The following MAP2K2 variants were observed in gnomAD, a reference collection of about 807,000 sequenced individuals.
MAP2K2 encodes mitogen-activated protein kinase kinase 2, also known as dual specificity mitogen-activated protein kinase kinase 2.
In MAP2K2, 24 loss-of-function variants were observed where a neutral mutation model predicts 43.7. The ratio of observed to expected loss-of-function variants is 0.55; its 90% CI spans 0.40 to 0.77. The LOEUF (loss-of-function observed/expected upper bound fraction) is 0.77. Among genes scored for constraint, MAP2K2 ranks in the 30% least tolerant of loss-of-function variants. The probability of loss-of-function intolerance (pLI) is 0.00; values close to 1 mark genes in which losing one functional copy is unlikely to be tolerated. For synonymous variants in MAP2K2, 244 were observed against 239.7 expected, an observed-to-expected ratio of 1.02 and a Z score of -0.17; for missense variants, 470 against 566.8, an observed-to-expected ratio of 0.83 and a Z score of 1.73.
At chr19:4,098,221 G>A (rs939044653) in intron 7 of MAP2K2, among the ~76,000 whole-genome samples, 1 of 152,178 alleles carries the variant, frequency 6.6e-6, no homozygotes, top group Non-Finnish European at 1.5e-5. Flanking sequence ...CCACACAAGT[G>A]TGTGACCCCA....
In MAP2K2 at chr19:4,090,681, C is replaced by T; in HGVS notation, c.1120G>A (p.Val374Met). 6.4e-7 allele frequency: 1 copy of T among 1,559,016 alleles called. No individual in the cohort carries two copies. Among genetic ancestry groups the T allele is most frequent in the African/African-American group, 1.4e-5 (1 of 73,628 alleles). Reference sequence around the variant, plus strand: ...CAGCCGGCAAAATCCACTTCTTCCACCTCGGACCGCTTGATGAAGGTGTGG... The same window carrying T: ...CAGCCGGCAAAATCCACTTCTTCCATCTCGGACCGCTTGATGAAGGTGTGG... ...TNHTFIKRSE[V>M]EEVDFAGWLC... Residue 374 changes from valine to methionine, a missense_variant, in exon 11 of 11, where the codon GTG becomes ATG. Val to Met is a conservative substitution (Grantham distance 21, BLOSUM62 1). This residue lies in a region of MAP2K2 where 212 missense variants were observed against 220.8 expected (regional missense o/e 0.96). Coordinates refer to ENST00000262948, the MANE Select transcript of MAP2K2 (RefSeq NM_030662.4).
At chr19:4,117,939 C>A (rs2041246824) in intron 1 of MAP2K2, among the ~76,000 whole-genome samples, 1 of 151,972 alleles carries the variant, frequency 6.6e-6, no homozygotes, top group Non-Finnish European at 1.5e-5. Context: ...TTTTTCTTTT[C>A]TTTTTCTTTT....
intron 3 of MAP2K2, chr19:4,102,683 T>C (rs2041031481): frequency 5.4e-6 from 6 of 1,101,404 alleles, no homozygotes; most frequent in Non-Finnish European, 7.6e-6. Context: ...TTCCCCCGCC[T>C]CCCGTCCCAT....
intron 3 of MAP2K2, among the ~76,000 whole-genome samples, chr19:4,107,440 C>T (rs1428265660): frequency 7.1e-6 from 1 of 140,760 alleles, no homozygotes; most frequent in African/African-American, 2.6e-5. Context: ...GGGAGAATGG[C>T]GTGAACCTGG....
intron 1 of MAP2K2, 63 bp from the exon 2 acceptor site, chr19:4,117,692 T>A: frequency 6.6e-7 from 1 of 1,504,294 alleles, no homozygotes; most frequent in Non-Finnish European, 9.2e-7. Flanking sequence ...CCGTTTGCTA[T>A]GTGGCCGTGG....
chr19:4,109,316 G>A (rs1198598247), intron 3 of MAP2K2, among the ~76,000 whole-genome samples: 1 of 152,188 alleles, frequency 6.6e-6, no homozygotes, highest in Non-Finnish European at 1.5e-5. Flanking sequence ...AGTCAATGAA[G>A]GGGGTGCCTG....
chr19:4,106,882 C>T (rs937766646), intron 3 of MAP2K2, among the ~76,000 whole-genome samples: 1 of 152,220 alleles, frequency 6.6e-6, no homozygotes, highest in Admixed American at 6.5e-5. Flanking sequence ...TACAGTAGAA[C>T]AAGACGGGCA....
At chr19:4,122,863 A>C (rs2041318520) in intron 1 of MAP2K2, among the ~76,000 whole-genome samples, 1 of 149,112 alleles carries the variant, frequency 6.7e-6, no homozygotes. Context: ...GCCCTATCTC[A>C]TTATTGAGGG....
Position 4,101,371 on chromosome 19 carries a change from T to C in MAP2K2, c.529-91A>G. 7.1e-7 allele frequency: 1 copy of C among 1,400,026 alleles called. No individual in the cohort carries two copies. The highest frequency in any genetic ancestry group is 1.2e-5 in the South Asian group (1 of 81,092). 86.7% of individuals were successfully genotyped at this position (1,400,026 alleles called of 1,614,324 possible). A position where few individuals can be genotyped will look rare whatever the true frequency, so the allele number is the denominator to read the frequency against. ...GGGGTCAGAGCTGAGCAGTCAGAGCTGGAGCGAGGGAGCTGCGGCAGGAAC... is the reference window on the plus strand; with the variant it reads ...GGGGTCAGAGCTGAGCAGTCAGAGCCGGAGCGAGGGAGCTGCGGCAGGAAC... On this transcript the variant is annotated intron_variant, in intron 4 of 10. Coordinates refer to ENST00000262948, the MANE Select transcript of MAP2K2 (RefSeq NM_030662.4). This position sits in a 1 kb window ranked among gnomAD's most constrained non-coding sequence, Gnocchi z 6.3.
chr19:4,094,573 C>T (rs2040887980), intron 9 of MAP2K2, 75 bp from the exon 10 acceptor site: 2 of 1,444,302 alleles, frequency 1.4e-6, no homozygotes, highest in Non-Finnish European at 9.5e-7. Context: ...GGCCCCGGGG[C>T]ACCCGCGTGT....
intron 2 of MAP2K2, among the ~76,000 whole-genome samples, chr19:4,114,698 C>T (rs185878121): frequency 1.5e-4 from 23 of 152,240 alleles, no homozygotes; most frequent in African/African-American, 5.3e-4. Flanking sequence ...CCTGTAATCC[C>T]AGCAATCTGG....
intron 3 of MAP2K2, among the ~76,000 whole-genome samples, chr19:4,109,860 C>T (rs1228728316): frequency 6.6e-6 from 1 of 152,124 alleles, no homozygotes; most frequent in Non-Finnish European, 1.5e-5. Flanking sequence ...GCCTGCGAGT[C>T]AGTGCCATGT....
At chr19:4,102,064 T>A (rs1187070051) in intron 4 of MAP2K2, among the ~76,000 whole-genome samples, 1 of 152,006 alleles carries the variant, frequency 6.6e-6, no homozygotes, top group East Asian at 1.9e-4. Context: ...CAAGCTCCTG[T>A]CCCCTGCAAC....
At position 4,090,662 on chromosome 19, in the gene MAP2K2, G is replaced by A. The variant is rs866020481; in HGVS notation, c.1139C>T (p.Ala380Val). Residue 380 changes from alanine (A) to valine (V), a missense_variant, in exon 11 of 11, where the codon GCC becomes GTC. By Grantham distance (64) the Ala-to-Val change is moderately conservative. Transcript: ENST00000262948. ...KRSEVEEVDF[A>V]GWLCKTLRLN... is the part of the protein sequence containing the mutation. ...CCGCAGGGTTTTACACAACCAGCCG[G>A]CAAAATCCACTTCTTCCACCTCGGA... 1.9e-6 allele frequency: 3 copies of A among 1,559,248 alleles called. No individual in the cohort carries two copies. Among genetic ancestry groups the A allele is most frequent in the Non-Finnish European group, 2.6e-6 (3 of 1,151,500 alleles).
At chr19:4,104,829 CTG>C (rs1246286661) in intron 3 of MAP2K2, 2 of 152,490 alleles carry the variant, frequency 1.3e-5, no homozygotes, top group East Asian at 3.8e-4. Context: ...CCTTTCTCCA[CTG>C]TGACATCGGG....
chr19:4,105,330 A>G (rs905959173), intron 3 of MAP2K2, among the ~76,000 whole-genome samples: 7 of 149,062 alleles, frequency 4.7e-5, no homozygotes, highest in African/African-American at 1.7e-4. Context: ...GTGCAGTGGC[A>G]CCATCTCGGC....
rs1034456240 is a variant in MAP2K2, at chr19:4,090,481, C to T, written c.*117G>A. ...GCTGTCGCCCCGCCACGGTGCTCTC[C>T]GCAGGGGTGAGGCAGGAGGGTGGGT... On this transcript the variant is annotated 3_prime_UTR_variant, in exon 11 of 11. Transcript: ENST00000262948. 37 of 894,070 alleles carry T rather than the reference C, an allele frequency of 4.1e-5. No homozygotes were observed. Among genetic ancestry groups the T allele is most frequent in the Non-Finnish European group, 5.6e-5 (31 of 555,608 alleles). The allele number at this position is 894,070 out of a possible 1,614,324, so 55.4% of individuals were successfully genotyped here. A position where few individuals can be genotyped will look rare whatever the true frequency, so the allele number is the denominator to read the frequency against.
rs2041013145 is a variant in MAP2K2, at chr19:4,101,590, G to A, written c.529-310C>T. Among the ~76,000 whole-genome samples the A allele has an allele frequency of 1.3e-5, 2 of 152,208 alleles. No individual in the cohort carries two copies. The highest frequency in any genetic ancestry group is 2.9e-5 in the Non-Finnish European group (2 of 68,038). On this transcript the variant is annotated intron_variant, in intron 4 of 10. Coordinates refer to ENST00000262948, the MANE Select transcript of MAP2K2 (RefSeq NM_030662.4). This position sits in a 1 kb window ranked among gnomAD's most constrained non-coding sequence, Gnocchi z 6.3. ...AGCTGAGATGGTGGCCCATGGCCCGGGAGTAGGCTGGGCTGCCGAGTTTGC... is the reference window on the plus strand; with the variant it reads ...AGCTGAGATGGTGGCCCATGGCCCGAGAGTAGGCTGGGCTGCCGAGTTTGC...
Position 4,102,436 on chromosome 19 carries a change from G to A in MAP2K2, c.468C>T (p.Asp156=), listed in dbSNP as rs748909734. ...CMEHMDGGSL[D]QVLKEAKRIP... ...TCCTCTTGGCCTCTTTCAGCACCTG[G>A]TCCAGGGAGCCGCCGTCCTAGAGGG... The change falls in exon 4 of 11, where the codon GAC becomes GAT. Residue 156 remains aspartate, a synonymous_variant. Transcript: ENST00000262948. 1.2e-6 allele frequency: 2 copies of A among 1,604,952 alleles called. No individual in the cohort carries two copies. The highest frequency in any genetic ancestry group is 2.7e-5 in the African/African-American group (2 of 74,880).
Sources: allele counts gnomAD v4.1 joint callset (sites outside exome capture counted in the v4.1 genomes callset), GRCh38; gene constraint gnomAD v4.1.1; regional missense constraint gnomAD v4.1.1; non-coding constraint Gnocchi (gnomAD v3.1); transcripts MANE v1.5; gene names NCBI Gene and HGNC (gene_info 2026-07-23, HGNC 2026-07-21).